The following HINFP variants were observed in gnomAD, a reference collection of about 807,000 sequenced individuals.
The protein encoded by HINFP is MBD2 (methyl-CpG-binding protein)-interacting zinc finger protein.
HINFP carries 20 observed loss-of-function variants against 50.1 expected under a neutral mutation model. The observed-to-expected ratio is 0.40, with a 90% confidence interval of 0.28 to 0.58. The LOEUF is 0.58. HINFP is among the 20% of genes least tolerant of loss of function. HINFP has a pLI of 0.45. For synonymous variants in HINFP, 247 were observed against 243.7 expected (o/e 1.01, Z -0.13); for missense variants, 505 against 664.1 (o/e 0.76, Z 2.63).
chr11:119,128,257 A>G (rs1947534220), intron 2 of HINFP, among the ~76,000 whole-genome samples: 1 of 152,170 alleles, frequency 6.6e-6, no homozygotes. Context: ...AACAATAACA[A>G]TAGTGAACTG....
chr11:119,129,649 A>T (rs1031504942), intron 2 of HINFP, among the ~76,000 whole-genome samples: 3 of 151,250 alleles, frequency 2.0e-5, no homozygotes, highest in Non-Finnish European at 4.4e-5. Flanking sequence ...ATTTTTTAGT[A>T]GAGACGGGGT....
At chr11:119,124,440 C>T (rs1011991538) in intron 1 of HINFP, 1 of 152,108 alleles carries the variant, frequency 6.6e-6, no homozygotes, top group Non-Finnish European at 1.5e-5. Context: ...AGGTGACACT[C>T]AGGAGACAGA....
At chr11:119,126,197 A>G (rs929354717) in intron 1 of HINFP, 3 of 152,102 alleles carry the variant, frequency 2.0e-5, no homozygotes, top group African/African-American at 7.2e-5. Flanking sequence ...CTCTACGAAA[A>G]ATATAAAAAT....
intron 7 of HINFP, 26 bp from the exon 8 acceptor site, chr11:119,132,838 C>T: frequency 6.2e-7 from 1 of 1,614,122 alleles, no homozygotes; most frequent in South Asian, 1.1e-5. Context: ...CCATGTCCTC[C>T]AATCCCTCCT....
intron 9 of HINFP, 165 bp from the exon 10 acceptor site, chr11:119,133,918 CT>C: frequency 2.4e-6 from 2 of 847,878 alleles, no homozygotes; most frequent in East Asian, 2.6e-5. Flanking sequence ...TCCCTCTTGC[CT>C]TTTCTTCTAC....
intron 2 of HINFP, among the ~76,000 whole-genome samples, chr11:119,128,437 C>G (rs1164601976): frequency 6.6e-6 from 1 of 151,896 alleles, no homozygotes; most frequent in Non-Finnish European, 1.5e-5. Context: ...TCCCGAGTAG[C>G]TGGGATTACA....
chr11:119,122,542 AG>A (rs1193903472), intron 1 of HINFP, among the ~76,000 whole-genome samples: 2 of 152,202 alleles, frequency 1.3e-5, no homozygotes, highest in African/African-American at 4.8e-5. Context: ...GAGTAGATTC[AG>A]GGATGGGGTA....
At chr11:119,124,643 C>G (rs624588) in intron 1 of HINFP, 97,949 of 152,102 alleles carry the variant, frequency 0.64, 32,903 homozygotes, top group African/African-American at 0.81. Context: ...GAACTTCTCA[C>G]GCAGGCGCTG....
intron 1 of HINFP, chr11:119,126,641 A>C (rs1947424607): frequency 8.1e-6 from 2 of 247,460 alleles, no homozygotes; most frequent in Non-Finnish European, 1.6e-5. Context: ...CAGAGGAATA[A>C]TTCCTTCTTG....
At position 119,133,115 on chromosome 11, in the gene HINFP, C is replaced by T; in HGVS notation, c.1035C>T (p.Tyr345=). The part of the protein sequence containing the change: ...KVHEGDSEPR[Y]KCHVCDKCFT... ...ATCAGGGAGACTCTGAGCCAAGGTA[C>T]AAATGTCATGTGTGTGACAAATGCT... Residue 345 remains tyrosine (Y), a synonymous_variant, in exon 9 of 10, where the codon TAC becomes TAT. Coordinates refer to ENST00000350777, the MANE Select transcript of HINFP (RefSeq NM_198971.3). The T allele has an allele frequency of 1.2e-6, 2 of 1,614,222 alleles. No homozygotes were observed. Among genetic ancestry groups the T allele is most frequent in the South Asian group, 1.1e-5 (1 of 91,086 alleles).
At chr11:119,132,375 C>T (rs1385671057) in intron 5 of HINFP, 121 bp from the exon 6 acceptor site, 1 of 896,554 alleles carries the variant, frequency 1.1e-6, no homozygotes, top group African/African-American at 1.7e-5. Context: ...CCATTCATAG[C>T]TCCCTAAGCT....
intron 9 of HINFP, 22 bp downstream of exon 9, chr11:119,133,241 C>A: frequency 6.2e-7 from 1 of 1,612,810 alleles, no homozygotes. Flanking sequence ...AACCCTCCTT[C>A]CCAGATTAAC....
In HINFP at chr11:119,134,360, C is replaced by T. The variant is rs373641080; in HGVS notation, c.1416C>T (p.Ala472=). Residue 472 remains alanine (A), a synonymous_variant, in exon 10 of 10, where the codon GCC becomes GCT. Coordinates refer to ENST00000350777, the MANE Select transcript of HINFP (RefSeq NM_198971.3). This position sits in a 1 kb window ranked among gnomAD's most constrained non-coding sequence, Gnocchi z 4.3. Reference sequence around the variant, plus strand: ...TCCACGTGGTGAATCAGACCAATGCCCAAGGCCAGCAAGAGATCGTCTACT... The same window carrying T: ...TCCACGTGGTGAATCAGACCAATGCTCAAGGCCAGCAAGAGATCGTCTACT... The part of the protein sequence containing the change: ...SVIHVVNQTN[A]QGQQEIVYYV... 1.2e-6 allele frequency: 2 copies of T among 1,614,044 alleles called. No homozygotes were observed. The highest frequency in any genetic ancestry group is 1.7e-6 in the Non-Finnish European group (2 of 1,179,996).
Position 119,131,574 on chromosome 11 carries a change from G to A in HINFP, c.451G>A (p.Glu151Lys), listed in dbSNP as rs1409741634. The A allele has an allele frequency of 1.9e-6, 3 of 1,614,192 alleles. No homozygotes were observed. The highest frequency in any genetic ancestry group is 2.2e-5 in the South Asian group (2 of 91,092). ...TCCTGAGTGGTTTTATCGGCATGTG[G>A]AAGCACACAGTCTGTGCTGTGAATA... ...DNPEWFYRHV[E>K]AHSLCCEYEA... Residue 151 changes from glutamate to lysine, a missense_variant, in exon 4 of 10, where the codon GAA (glutamate) becomes AAA (lysine). Physicochemically the swap from Glu to Lys is moderately conservative, Grantham distance 56. Coordinates refer to ENST00000350777, the MANE Select transcript of HINFP (RefSeq NM_198971.3). This position sits in a 1 kb window ranked among gnomAD's most constrained non-coding sequence, Gnocchi z 4.2.
At chr11:119,132,826 C>G (rs1947848353) in intron 7 of HINFP, 38 bp from the exon 8 acceptor site, 4 of 1,613,956 alleles carry the variant, frequency 2.5e-6, no homozygotes, top group East Asian at 2.2e-5. Flanking sequence ...TTCCAGTGTT[C>G]CCCATGTCCT....
rs1457956127 is a variant in HINFP, at chr11:119,134,707, A to T, written c.*209A>T. 9 of 505,012 alleles carry T rather than the reference A, an allele frequency of 1.8e-5. No individual in the cohort carries two copies. Among genetic ancestry groups the T allele is most frequent in the Non-Finnish European group, 2.8e-5 (8 of 285,152 alleles). 31.3% of individuals were successfully genotyped at this position (505,012 alleles called of 1,614,324 possible). ...ACTACATTTTGTGGGGAGCCTGAGGACTCTGGATTCTTTGAGGGGATCCTG... is the reference window on the plus strand; with the variant it reads ...ACTACATTTTGTGGGGAGCCTGAGGTCTCTGGATTCTTTGAGGGGATCCTG... On this transcript the variant is annotated 3_prime_UTR_variant, in exon 10 of 10. Coordinates refer to ENST00000350777, the MANE Select transcript of HINFP (RefSeq NM_198971.3). This position sits in a 1 kb window ranked among gnomAD's most constrained non-coding sequence, Gnocchi z 4.3.
rs1172922141 is a variant in HINFP, at chr11:119,131,489, CCCTCTACCCA to C, written c.412-43_412-34del. On this transcript the variant is annotated intron_variant, in intron 3 of 9. Coordinates refer to ENST00000350777, the MANE Select transcript of HINFP (RefSeq NM_198971.3). The surrounding 1 kb of genome is among the most constrained non-coding windows in gnomAD (Gnocchi z 4.2). ...ATTCTTCGGGCACATAGGGGTGAGT[CCCTCTACCCA>C]CCCTCAGTCCTCACCCCAAGTTGCC... 1 of 1,272,652 alleles carries C rather than the reference CCCTCTACCCA, an allele frequency of 7.9e-7. No individual in the cohort carries two copies. Among genetic ancestry groups the C allele is most frequent in the Non-Finnish European group, 1.2e-6 (1 of 868,104 alleles). The allele number at this position is 1,272,652 out of a possible 1,614,324, so 78.8% of individuals were successfully genotyped here. A position where few individuals can be genotyped will look rare whatever the true frequency, so the allele number is the denominator to read the frequency against.
intron 2 of HINFP, among the ~76,000 whole-genome samples, chr11:119,128,082 G>T (rs754575776): frequency 7.2e-5 from 11 of 152,080 alleles, no homozygotes; most frequent in Non-Finnish European, 1.2e-4. Flanking sequence ...TCAATCTCTT[G>T]ATCTCATGAT....
Position 119,135,282 on chromosome 11 carries a change from G to A in HINFP, c.*784G>A, listed in dbSNP as rs61899990. 922 of 152,456 alleles carry A rather than the reference G, an allele frequency of 6.0e-3. 4 individuals are homozygous for A. The highest frequency in any genetic ancestry group is 0.01 in the Middle Eastern group (3 of 296). The allele number at this position is 152,456 out of a possible 1,614,324, so 9.4% of individuals were successfully genotyped here. On this transcript the variant is annotated 3_prime_UTR_variant, in exon 10 of 10. Coordinates refer to ENST00000350777, the MANE Select transcript of HINFP (RefSeq NM_198971.3). ...GGTCCCAGGTGTTTGGCTGTGAGTG[G>A]GCAGTAGTGGTGCTATAGAATGAAC... is the stretch of plus-strand genomic sequence containing the variant.
Sources: gnomAD v4.1 joint callset for allele counts (sites outside exome capture counted in the v4.1 genomes callset) on GRCh38, gnomAD v4.1.1 for gene constraint, Gnocchi (gnomAD v3.1) non-coding constraint, MANE v1.5 for transcripts, NCBI Gene and HGNC (gene_info 2026-07-23, HGNC 2026-07-21) for gene names.